ADAM9: variants seen among roughly 807,000 people sequenced by gnomAD.
ADAM9 encodes the protein disintegrin and metalloproteinase domain-containing protein 9.
ADAM9 carries 54 observed loss-of-function variants against 108.1 expected under a neutral mutation model. The ratio of observed to expected loss-of-function variants is 0.50; its 90% CI spans 0.40 to 0.63. The LOEUF (loss-of-function observed/expected upper bound fraction) is 0.63, where lower values mean the gene tolerates loss of function less well. ADAM9 is among the 20% of genes least tolerant of loss of function. ADAM9 has a pLI of 0.00. For missense variants in ADAM9, 830 were observed against 997.7 expected (o/e 0.83, Z 2.26); for synonymous variants, 316 against 336.0 (o/e 0.94, Z 0.65).
chr8:39,010,708 G>A (rs1836327246), intron 2 of ADAM9, among the ~76,000 whole-genome samples: 2 of 152,184 alleles, frequency 1.3e-5, no homozygotes, highest in Admixed American at 1.3e-4. Context: ...ATGATCCCAT[G>A]AATTGGAGGA....
intron 15 of ADAM9, among the ~76,000 whole-genome samples, chr8:39,072,721 G>C (rs1838735745): frequency 6.6e-6 from 1 of 152,206 alleles, no homozygotes; most frequent in East Asian, 1.9e-4. Context: ...GTGAAGTGTG[G>C]TTTCCTTACA....
In ADAM9 at chr8:39,077,330, T is replaced by C; in HGVS notation, c.1800T>C (p.Cys600=). The change falls in exon 16 of 22, where the codon TGT becomes TGC. Residue 600 remains cysteine (C), a synonymous_variant. Transcript: ENST00000487273. Reference sequence around the variant, plus strand: ...AAACGCCTAGTCGAGGCACCAAATGTTGGGGTGTGGATTTCCAGCTAGGAT... The same window carrying C: ...AAACGCCTAGTCGAGGCACCAAATGCTGGGGTGTGGATTTCCAGCTAGGAT... ...IIQTPSRGTK[C]WGVDFQLGSD... is the part of the protein sequence containing the mutation. 1 of 1,614,068 alleles carries C rather than the reference T, an allele frequency of 6.2e-7. No homozygotes were observed. The highest frequency in any genetic ancestry group is 8.5e-7 in the Non-Finnish European group (1 of 1,179,982).
intron 1 of ADAM9, among the ~76,000 whole-genome samples, chr8:39,004,894 G>A (rs1473308599): frequency 6.6e-6 from 1 of 152,138 alleles, no homozygotes; most frequent in Non-Finnish European, 1.5e-5. Context: ...TGGTTTTGGT[G>A]GGTTTTAGCT....
chr8:38,997,083 T>C lies in ADAM9; in HGVS notation c.20T>C (p.Phe7Ser), dbSNP rs1330425037. MGSGAR[F>S]PSGTLRVRWL... ...GCCGAGATGGGGTCTGGCGCGCGCT[T>C]TCCCTCGGGGACCCTTCGTGTCCGG... is the stretch of plus-strand genomic sequence containing the variant. The change falls in exon 1 of 22, where the codon TTT (phenylalanine) becomes TCT (serine). Residue 7 changes from phenylalanine to serine, a missense_variant. Phe to Ser is a radical substitution (Grantham distance 155). Coordinates refer to ENST00000487273, the MANE Select transcript of ADAM9 (RefSeq NM_003816.3). 6.2e-7 allele frequency: 1 copy of C among 1,607,058 alleles called. No individual in the cohort carries two copies. Among genetic ancestry groups the C allele is most frequent in the Non-Finnish European group, 8.5e-7 (1 of 1,179,304 alleles).
At chr8:39,042,999 G>T (rs1837500319) in intron 12 of ADAM9, among the ~76,000 whole-genome samples, 1 of 152,100 alleles carries the variant, frequency 6.6e-6, no homozygotes, top group Admixed American at 6.5e-5. Context: ...TAATATAAGT[G>T]GAATCAAATG....
intron 10 of ADAM9, 139 bp downstream of exon 10, chr8:39,026,023 T>G (rs189800672): frequency 3.7e-6 from 3 of 819,238 alleles, no homozygotes; most frequent in Admixed American, 4.0e-5. Flanking sequence ...CGCAGATGGG[T>G]TCTTTCCCCA....
chr8:39,009,033 T>G (rs1422770584), intron 2 of ADAM9, among the ~76,000 whole-genome samples: 14 of 152,158 alleles, frequency 9.2e-5, no homozygotes, highest in Admixed American at 8.5e-4. Context: ...GCGTGCCTGT[T>G]TTTTAGGGAG....
At chr8:39,054,646 T>G in intron 13 of ADAM9, 73 bp downstream of exon 13, 1 of 1,369,088 alleles carries the variant, frequency 7.3e-7, no homozygotes, top group Non-Finnish European at 1.0e-6. Flanking sequence ...TATCAAAATT[T>G]GTTTTTTGAG....
Position 39,017,375 on chromosome 8 carries a change from T to C in ADAM9, c.567T>C (p.Asp189=). ...NKDIEKETAK[D]EEEEPPSMTQ... ...ATATAGAGAAAGAAACTGCAAAGGA[T>C]GAAGAGGAAGAGCCTCCCAGCATGA... Residue 189 remains aspartate, a synonymous_variant, in exon 6 of 22, where the codon GAT becomes GAC. Transcript: ENST00000487273. The C allele has an allele frequency of 1.9e-6, 3 of 1,614,048 alleles. No individual in the cohort carries two copies. The highest frequency in any genetic ancestry group is 2.5e-6 in the Non-Finnish European group (3 of 1,179,998).
chr8:39,037,789 A>G (rs1837333692), intron 11 of ADAM9, among the ~76,000 whole-genome samples: 1 of 152,228 alleles, frequency 6.6e-6, no homozygotes, highest in South Asian at 2.1e-4. Context: ...AAAATAAAAA[A>G]CAATTACAAG....
chr8:39,094,082 T>C (rs1183164180), intron 20 of ADAM9, among the ~76,000 whole-genome samples: 2 of 152,256 alleles, frequency 1.3e-5, no homozygotes, highest in Non-Finnish European at 2.9e-5. Context: ...CAGTTTGTTC[T>C]TTCTATACAA....
At chr8:39,026,876 G>A in intron 11 of ADAM9, 66 bp downstream of exon 11, 1 of 1,587,590 alleles carries the variant, frequency 6.3e-7, no homozygotes, top group Admixed American at 1.7e-5. Flanking sequence ...ACACTGTGAG[G>A]GATATTCATG....
chr8:39,022,097 T>TGTGAGAGA (rs1356591377), intron 8 of ADAM9, among the ~76,000 whole-genome samples: 8 of 136,214 alleles, frequency 5.9e-5, no homozygotes, highest in African/African-American at 2.4e-4. Flanking sequence ...TGTGTGTGTG[T>TGTGAGAGA]GAGAGAGAGA....
chr8:39,064,219 C>CTAGT (rs1431266572), intron 14 of ADAM9, among the ~76,000 whole-genome samples: 3 of 152,148 alleles, frequency 2.0e-5, no homozygotes, highest in African/African-American at 7.2e-5. Context: ...ATGCCGTGAA[C>CTAGT]TATCAGTGCT....
At position 39,045,019 on chromosome 8, in the gene ADAM9, T is replaced by C. The variant is rs1230792431; in HGVS notation, c.1302+2902T>C. 1.1e-4 allele frequency among the ~76,000 whole-genome samples: 4 copies of C among 37,670 alleles called. No homozygotes were observed. The South Asian group carries it at 1.7e-3, about 16-fold the overall frequency. 24.7% of individuals were successfully genotyped at this position (37,670 alleles called of 152,430 possible). On this transcript the variant is annotated intron_variant, in intron 12 of 21. Coordinates refer to ENST00000487273, the MANE Select transcript of ADAM9 (RefSeq NM_003816.3). ...GTGCACACATACCTATGTATGTGTATGTGTGTGTGCATACATACATATGTA... is the reference window on the plus strand; with the variant it reads ...GTGCACACATACCTATGTATGTGTACGTGTGTGTGCATACATACATATGTA...
chr8:39,023,656 A>AAATTATCTC (rs1169736341), intron 9 of ADAM9, among the ~76,000 whole-genome samples: 1 of 152,012 alleles, frequency 6.6e-6, no homozygotes, highest in African/African-American at 2.4e-5. Flanking sequence ...CAGAATTGAA[A>AAATTATCTC]AATTATCTCA....
At chr8:39,089,896 A>G (rs898564786) in intron 18 of ADAM9, 151 bp from the exon 19 acceptor site, 2 of 840,202 alleles carry the variant, frequency 2.4e-6, no homozygotes, top group Non-Finnish European at 4.0e-6. Flanking sequence ...GCGGACAGGA[A>G]TGAACTTTGT....
chr8:39,048,401 A>G (rs1049514392), intron 12 of ADAM9, among the ~76,000 whole-genome samples: 1 of 151,888 alleles, frequency 6.6e-6, no homozygotes, highest in Non-Finnish European at 1.5e-5. Flanking sequence ...GTCTTTTTCT[A>G]TTCTAATTGC....
At chr8:39,056,838 T>C (rs1173937979) in intron 14 of ADAM9, among the ~76,000 whole-genome samples, 1 of 152,202 alleles carries the variant, frequency 6.6e-6, no homozygotes, top group Non-Finnish European at 1.5e-5. Context: ...TCTGTTCCTC[T>C]TCAGTCTTGA....
Sources: allele counts gnomAD v4.1 joint callset (sites outside exome capture counted in the v4.1 genomes callset), GRCh38; gene constraint gnomAD v4.1.1; transcripts MANE v1.5; gene names NCBI Gene and HGNC (gene_info 2026-07-23, HGNC 2026-07-21).